MX1: variants seen among roughly 807,000 people sequenced by gnomAD.
The protein encoded by MX1 is MX dynamin like GTPase 1.
MX1 carries 66 observed loss-of-function variants against 66.4 expected under a neutral mutation model. The ratio of observed to expected loss-of-function variants is 0.99; its 90% CI spans 0.82 to 1.22. The LOEUF (loss-of-function observed/expected upper bound fraction) is 1.22. MX1 is among the 50% of genes most tolerant of loss of function. MX1 has a pLI of 0.00. For synonymous variants in MX1, 311 were observed against 318.1 expected, an observed-to-expected ratio of 0.98 and a Z score of 0.24; for missense variants, 787 against 834.3, an observed-to-expected ratio of 0.94 and a Z score of 0.70.
intron 5 of MX1, among the ~76,000 whole-genome samples, chr21:41,434,105 G>C (rs1467627024): frequency 2.0e-5 from 3 of 152,182 alleles, no homozygotes; most frequent in African/African-American, 7.2e-5. Flanking sequence ...ATAGCTTCTT[G>C]TCCTGTTATA....
intron 2 of MX1, among the ~76,000 whole-genome samples, 176 bp from the exon 3 acceptor site, chr21:41,427,579 T>C (rs1293778411): frequency 6.6e-6 from 1 of 152,202 alleles, no homozygotes; most frequent in Non-Finnish European, 1.5e-5. Context: ...CTCTTCCATC[T>C]TAGGCATTTC....
At chr21:41,446,213 GA>G in intron 13 of MX1, 72 bp downstream of exon 13, 1 of 1,321,762 alleles carries the variant, frequency 7.6e-7, no homozygotes, top group South Asian at 1.3e-5. Context: ...ATAAACAGTA[GA>G]AACTTATTGC....
rs1246881585 is a variant in MX1 at position 41,432,079 on chromosome 21, T to G, written c.9T>G (p.Val3=). 1 of 1,613,952 alleles carries G rather than the reference T, an allele frequency of 6.2e-7. No homozygotes were observed. The highest frequency in any genetic ancestry group is 2.2e-5 in the East Asian group (1 of 44,906). Residue 3 remains valine, a synonymous_variant, in exon 5 of 17, where the codon GTT becomes GTG. Transcript: ENST00000398598. ...CTTTGCAAAGAAGGAAGATGGTTGT[T>G]TCCGAAGTGGACATCGCAAAAGCTG... MV[V]SEVDIAKADP...
At position 41,437,010 on chromosome 21, in the gene MX1, C is replaced by T; in HGVS notation, c.299-5C>T. 6.2e-7 allele frequency: 1 copy of T among 1,613,704 alleles called. No homozygotes were observed. Among genetic ancestry groups the T allele is most frequent in the Non-Finnish European group, 8.5e-7 (1 of 1,179,794 alleles). On this transcript the variant is annotated splice_polypyrimidine_tract_variant and splice_region_variant and intron_variant, in intron 6 of 16. Coordinates refer to ENST00000398598, the MANE Select transcript of MX1 (RefSeq NM_002462.5). The stretch of plus-strand genomic sequence containing the variant: ...TGGAGCACTGATGTGGGCGTGGCCT[C>T]CTAGGGATCGTGACCAGATGCCCGC...
intron 8 of MX1, among the ~76,000 whole-genome samples, chr21:41,440,198 AT>A (rs554810382): frequency 6.6e-6 from 1 of 152,232 alleles, no homozygotes; most frequent in Non-Finnish European, 1.5e-5. Flanking sequence ...GGAAGAGAGC[AT>A]TAAAAATAAG....
Position 41,433,754 on chromosome 21 carries a change from G to A in MX1, c.105+1579G>A, listed in dbSNP as rs77275953. Among the ~76,000 whole-genome samples, 678 of 152,262 alleles carry A rather than the reference G, an allele frequency of 4.5e-3. 6 individuals carry two copies. The highest frequency in any genetic ancestry group is 0.015 in the African/African-American group (642 of 41,542). On this transcript the variant is annotated intron_variant, in intron 5 of 16. Coordinates refer to ENST00000398598, the MANE Select transcript of MX1 (RefSeq NM_002462.5). ...GGTGTGTGCAATGTCCTAAGTACTG[G>A]GAGTGTTTGTGTTCTTAACCCAAGT...
At position 41,437,119 on chromosome 21, in the gene MX1, G is replaced by A; in HGVS notation, c.403G>A (p.Asp135Asn). 6.2e-7 allele frequency: 1 copy of A among 1,614,006 alleles called. No individual in the cohort carries two copies. Among genetic ancestry groups the A allele is most frequent in the South Asian group, 1.1e-5 (1 of 91,078 alleles). Residue 135 changes from aspartate to asparagine, a missense_variant, in exon 7 of 17, where the codon GAT (aspartate) becomes AAT (asparagine). Coordinates refer to ENST00000398598, the MANE Select transcript of MX1 (RefSeq NM_002462.5). The stretch of plus-strand genomic sequence containing the variant: ...CCAGGACTACGAGATTGAGATTTCG[G>A]ATGCTTCAGAGGTAGAAAAGGAAAT... ...SYQDYEIEIS[D>N]ASEVEKEINK... is the part of the protein sequence containing the mutation.
chr21:41,454,908 CTTTT>C (rs36105889), intron 16 of MX1, among the ~76,000 whole-genome samples: 2 of 141,380 alleles, frequency 1.4e-5, no homozygotes, highest in Admixed American at 7.1e-5. Flanking sequence ...TTCTGCCTTT[CTTTT>C]TTTTTTTTTT....
chr21:41,450,972 T>A (rs1689691746), intron 14 of MX1, 195 bp from the exon 15 acceptor site: 1 of 386,060 alleles, frequency 2.6e-6, no homozygotes, highest in Admixed American at 4.2e-5. Context: ...ATGCCAGGGG[T>A]CATTTGCTTT....
At chr21:41,439,550 C>A in intron 7 of MX1, 144 bp from the exon 8 acceptor site, 1 of 806,400 alleles carries the variant, frequency 1.2e-6, no homozygotes, top group Non-Finnish European at 2.1e-6. Context: ...TCTTTTATCC[C>A]AATCACAGAA....
upstream of MX1, among the ~76,000 whole-genome samples, chr21:41,424,375 A>G (rs1489630697): frequency 6.6e-6 from 1 of 152,036 alleles, no homozygotes; most frequent in African/African-American, 2.4e-5. Flanking sequence ...GATCCTGCAA[A>G]GCAAAATAGA....
At position 41,440,906 on chromosome 21, in the gene MX1, A is replaced by G. The variant is rs773695667; in HGVS notation, c.611A>G (p.Lys204Arg). Reference protein sequence around the residue: ...IGYKIKTLIKKYIQRQETISL... With the variant: ...IGYKIKTLIKRYIQRQETISL... ...TTACAGATCAAGACACTCATCAAGA[A>G]GTACATCCAGAGGCAGGAGACAATC... Residue 204 changes from lysine to arginine, a missense_variant, in exon 9 of 17, where the codon AAG becomes AGG. Coordinates refer to ENST00000398598, the MANE Select transcript of MX1 (RefSeq NM_002462.5). 2 of 1,614,222 alleles carry G rather than the reference A, an allele frequency of 1.2e-6. No individual in the cohort carries two copies. Among genetic ancestry groups the G allele is most frequent in the Non-Finnish European group, 8.5e-7 (1 of 1,180,020 alleles).
chr21:41,443,524 G>A, intron 10 of MX1: 1 of 494,140 alleles, frequency 2.0e-6, no homozygotes, highest in East Asian at 3.5e-5. Context: ...TGATGACCAA[G>A]TCTATAGTCA....
chr21:41,436,083 C>G, intron 6 of MX1, 54 bp downstream of exon 6: 2 of 1,584,894 alleles, frequency 1.3e-6, no homozygotes, highest in Non-Finnish European at 1.7e-6. Flanking sequence ...CAAAATACCA[C>G]AGACAGGGTG....
chr21:41,448,594 A>G (rs1168516201), intron 13 of MX1, among the ~76,000 whole-genome samples: 2 of 152,162 alleles, frequency 1.3e-5, no homozygotes, highest in African/African-American at 2.4e-5. Flanking sequence ...TCATGAGGTC[A>G]GGAAATTGAG....
At position 41,444,318 on chromosome 21, in the gene MX1, C is replaced by CTTTTT. The variant is rs11317486; in HGVS notation, c.1008+474_1008+478dup. Among the ~76,000 whole-genome samples the CTTTTT allele has an allele frequency of 1.2e-3, 89 of 71,552 alleles. 2 individuals carry two copies. Among genetic ancestry groups the CTTTTT allele is most frequent in the African/African-American group, 2.9e-3 (47 of 16,286 alleles). The allele number at this position is 71,552 out of a possible 152,430, so 46.9% of individuals were successfully genotyped here. On this transcript the variant is annotated intron_variant, in intron 11 of 16. Coordinates refer to ENST00000398598, the MANE Select transcript of MX1 (RefSeq NM_002462.5). ...AATTTTCTTTTCTTTTCTTTTCTTT[C>CTTTTT]TTTTTTTTTTTTTTTTTTTTTTTTT...
intron 5 of MX1, among the ~76,000 whole-genome samples, 173 bp from the exon 6 acceptor site, chr21:41,435,664 C>G (rs1014626259): frequency 6.6e-6 from 1 of 152,176 alleles, no homozygotes; most frequent in East Asian, 1.9e-4. Flanking sequence ...ATGAGAACAG[C>G]ATGGGGGAAA....
chr21:41,433,757 G>T (rs1392804588), intron 5 of MX1, among the ~76,000 whole-genome samples: 7 of 152,254 alleles, frequency 4.6e-5, no homozygotes, highest in African/African-American at 9.6e-5. Flanking sequence ...AGTACTGGGA[G>T]TGTTTGTGTT....
At position 41,439,748 on chromosome 21, in the gene MX1, T is replaced by G. The variant is rs367753635; in HGVS notation, c.491T>G (p.Leu164Arg). 2.5e-6 allele frequency: 4 copies of G among 1,613,858 alleles called. No individual in the cohort carries two copies. The African/African-American group carries it at 4.0e-5, about 16-fold the overall frequency. The change falls in exon 8 of 17, where the codon CTG (leucine) becomes CGG (arginine). Residue 164 changes from leucine to arginine, a missense_variant. Coordinates refer to ENST00000398598, the MANE Select transcript of MX1 (RefSeq NM_002462.5). ...GGAATCAGTCATGAGCTAATCACCCTGGAGATCAGCTCCCGAGATGTCCCG... is the reference window on the plus strand; with the variant it reads ...GGAATCAGTCATGAGCTAATCACCCGGGAGATCAGCTCCCGAGATGTCCCG... ...GMGISHELIT[L>R]EISSRDVPDL...
Sources: allele counts gnomAD v4.1 joint callset (sites outside exome capture counted in the v4.1 genomes callset), GRCh38; gene constraint gnomAD v4.1.1; transcripts MANE v1.5; gene names NCBI Gene and HGNC (gene_info 2026-07-23, HGNC 2026-07-21).